Variants in CCDC175 observed in about 807,000 individuals in gnomAD.
CCDC175 encodes coiled-coil domain containing 175.
In CCDC175, 100 loss-of-function variants were observed where a neutral mutation model predicts 114.6. The observed-to-expected ratio is 0.87, with a 90% confidence interval of 0.74 to 1.03. The LOEUF is 1.03. Among genes scored for constraint, CCDC175 ranks in the 50% least tolerant of loss-of-function variants. CCDC175 has a pLI of 0.00. For missense variants in CCDC175, 880 were observed against 917.8 expected (o/e 0.96, Z 0.53); for synonymous variants, 306 against 308.7 (o/e 0.99, Z 0.09).
intron 16 of CCDC175, 108 bp from the exon 17 acceptor site, chr14:59,521,784 T>A (rs1893441887): frequency 1.5e-6 from 1 of 651,922 alleles, no homozygotes; most frequent in Non-Finnish European, 2.7e-6. Flanking sequence ...CGCCACCCAC[T>A]ATTCTAGGTA....
intron 13 of CCDC175, among the ~76,000 whole-genome samples, chr14:59,537,805 T>G (rs1894495852): frequency 6.6e-6 from 1 of 152,202 alleles, no homozygotes; most frequent in Non-Finnish European, 1.5e-5. Flanking sequence ...TCTACATAAT[T>G]TGAAGTGTGA....
Position 59,517,615 on chromosome 14 carries a change from G to C in CCDC175, c.2098+3959C>G, listed in dbSNP as rs1213872656. Reference sequence around the variant, plus strand: ...ATGCCTAGGAATCCAACTTACAAGAGATGTGAAGGACCTCTTCAAGGAGAA... The same window carrying C: ...ATGCCTAGGAATCCAACTTACAAGACATGTGAAGGACCTCTTCAAGGAGAA... On this transcript the variant is annotated intron_variant, in intron 17 of 19. Transcript: ENST00000537690. Among the ~76,000 whole-genome samples the C allele has an allele frequency of 2.6e-5, 4 of 152,300 alleles. No homozygotes were observed. In the South Asian group the frequency reaches 6.2e-4, roughly 24 times the overall value.
intron 19 of CCDC175, among the ~76,000 whole-genome samples, chr14:59,508,061 A>G (rs546370083): frequency 6.6e-6 from 1 of 152,198 alleles, no homozygotes; most frequent in South Asian, 2.1e-4. Context: ...TGTTCTAAGA[A>G]TGCAGTCTTA....
chr14:59,543,441 G>C lies in CCDC175; in HGVS notation c.1186C>G (p.Leu396Val). ...TATTCTTTCTGAGAAATAAATGTCAGCTGTTTCTGATTTCTATCATGAAAA... is the reference window on the plus strand; with the variant it reads ...TATTCTTTCTGAGAAATAAATGTCACCTGTTTCTGATTTCTATCATGAAAA... ...QKIHDENQKQ[L>V]TFISQKEYFL... The change falls in exon 10 of 20, where the codon CTG becomes GTG. Residue 396 changes from leucine to valine, a missense_variant. By Grantham distance (32) the Leu-to-Val change is conservative (BLOSUM62 1). Transcript: ENST00000537690. 7.2e-7 allele frequency: 1 copy of C among 1,391,812 alleles called. No homozygotes were observed. Among genetic ancestry groups the C allele is most frequent in the South Asian group, 1.5e-5 (1 of 68,360 alleles). The allele number at this position is 1,391,812 out of a possible 1,614,324, so 86.2% of individuals were successfully genotyped here.
chr14:59,560,094 T>C (rs1019524444), intron 7 of CCDC175, among the ~76,000 whole-genome samples: 1 of 152,084 alleles, frequency 6.6e-6, no homozygotes, highest in Non-Finnish European at 1.5e-5. Context: ...GAGTTTTAGT[T>C]GTGGTATTAA....
chr14:59,533,986 T>TAAA (rs1566609176), intron 13 of CCDC175, among the ~76,000 whole-genome samples: 10 of 9,354 alleles, frequency 1.1e-3, no homozygotes, highest in Admixed American at 4.4e-3. Flanking sequence ...GAGACCCCTT[T>TAAA]TAAAAAAAAA....
At chr14:59,507,813 CAT>C (rs1263302400) in intron 19 of CCDC175, among the ~76,000 whole-genome samples, 27 of 152,124 alleles carry the variant, frequency 1.8e-4, no homozygotes, top group African/African-American at 5.6e-4. Flanking sequence ...GGTTAGATAA[CAT>C]GTAAGAAGCA....
At chr14:59,572,873 C>T (rs1036166135) in intron 2 of CCDC175, 60 bp from the exon 3 acceptor site, 6 of 945,330 alleles carry the variant, frequency 6.3e-6, no homozygotes, top group Admixed American at 3.2e-5. Context: ...GATTGATTTC[C>T]TAAACAATGC....
At chr14:59,507,509 G>T (rs1892496656) in intron 19 of CCDC175, among the ~76,000 whole-genome samples, 1 of 152,224 alleles carries the variant, frequency 6.6e-6, no homozygotes, top group Non-Finnish European at 1.5e-5. Flanking sequence ...CTGCAGGGCT[G>T]CAGTGACTAT....
chr14:59,543,178 G>T lies in CCDC175; in HGVS notation c.1283+166C>A, dbSNP rs929005429. Among the ~76,000 whole-genome samples the T allele has an allele frequency of 4.7e-4, 72 of 152,228 alleles. 1 individual carries two copies. The highest frequency in any genetic ancestry group is 1.3e-3 in the Admixed American group (20 of 15,292). ...TTCAGAACCTGTTTATCCTTTCAAT[G>T]AAAAAGTCCATGAGAGTGACTTCCA... On this transcript the variant is annotated intron_variant, in intron 10 of 19. Transcript: ENST00000537690.
At chr14:59,570,946 T>C (rs1896814015) in intron 3 of CCDC175, among the ~76,000 whole-genome samples, 1 of 152,102 alleles carries the variant, frequency 6.6e-6, no homozygotes, top group African/African-American at 2.4e-5. Context: ...TTTCACTATG[T>C]TGGCCAGGCT....
At chr14:59,571,721 T>A (rs976182492) in intron 3 of CCDC175, among the ~76,000 whole-genome samples, 3 of 152,068 alleles carry the variant, frequency 2.0e-5, no homozygotes, top group Non-Finnish European at 2.9e-5. Flanking sequence ...GCAAGGCAGA[T>A]CTCCAAAATA....
intron 4 of CCDC175, 92 bp from the exon 5 acceptor site, chr14:59,565,367 A>G: frequency 3.0e-6 from 3 of 989,536 alleles, no homozygotes; most frequent in Non-Finnish European, 4.4e-6. Context: ...CAAGAGGAAA[A>G]GTGTAAGGAA....
intron 16 of CCDC175, among the ~76,000 whole-genome samples, chr14:59,523,867 T>C (rs1594996769): frequency 6.6e-6 from 1 of 152,034 alleles, no homozygotes; most frequent in Non-Finnish European, 1.5e-5. Flanking sequence ...CGGGCACCTG[T>C]AGTCCCAGCT....
chr14:59,512,542 T>TTA, intron 17 of CCDC175, among the ~76,000 whole-genome samples: 1 of 152,308 alleles, frequency 6.6e-6, no homozygotes. Context: ...CCTTTGCTGA[T>TTA]TTTACTCTAT....
chr14:59,573,302 A>T (rs1417613061), intron 2 of CCDC175, among the ~76,000 whole-genome samples: 16 of 152,198 alleles, frequency 1.1e-4, no homozygotes, highest in Non-Finnish European at 2.4e-4. Context: ...GTTGGTGGGA[A>T]AAAATAGATA....
At chr14:59,563,959 CTAAGTA>C (rs887206093) in intron 5 of CCDC175, 100 bp from the exon 6 acceptor site, 11 of 660,226 alleles carry the variant, frequency 1.7e-5, no homozygotes, top group Non-Finnish European at 2.4e-5. Flanking sequence ...CATATTTAAT[CTAAGTA>C]TAACATATTC....
chr14:59,563,954 T>C, intron 5 of CCDC175, 95 bp from the exon 6 acceptor site: 1 of 769,212 alleles, frequency 1.3e-6, no homozygotes, highest in Non-Finnish European at 1.8e-6. Flanking sequence ...TAATTCATAT[T>C]TAATCTAAGT....
At chr14:59,508,301 T>C (rs1209439458) in intron 19 of CCDC175, among the ~76,000 whole-genome samples, 3 of 151,654 alleles carry the variant, frequency 2.0e-5, no homozygotes, top group Non-Finnish European at 4.4e-5. Flanking sequence ...GGCACACACA[T>C]ATAATCCCAG....
Sources: gnomAD v4.1 joint callset for allele counts (sites outside exome capture counted in the v4.1 genomes callset) on GRCh38, gnomAD v4.1.1 for gene constraint, MANE v1.5 for transcripts, NCBI Gene and HGNC (gene_info 2026-07-23, HGNC 2026-07-21) for gene names.